FAM114A1: variants seen among roughly 807,000 people sequenced by gnomAD.
The protein encoded by FAM114A1 is family with sequence similarity 114 member A1, also known as protein NOXP20.
A neutral mutation model predicts 64.3 loss-of-function variants in FAM114A1; 62 were observed. The observed-to-expected ratio is 0.96, with a 90% CI of 0.79 to 1.19. FAM114A1 has a LOEUF of 1.19. Among genes scored for constraint, FAM114A1 ranks in the 50% most tolerant of loss-of-function variants. The pLI, the probability that FAM114A1 is intolerant of heterozygous loss-of-function variation, is 0.00. For missense variants in FAM114A1, 645 were observed against 676.3 expected (o/e 0.95, Z 0.51); for synonymous variants, 254 against 251.1 (o/e 1.01, Z -0.11).
At chr4:38,942,629 AC>A (rs1451956209) in intron 14 of FAM114A1, among the ~76,000 whole-genome samples, 1 of 152,228 alleles carries the variant, frequency 6.6e-6, no homozygotes, top group African/African-American at 2.4e-5. Flanking sequence ...GTGTTAGTGC[AC>A]CACAAAACAG....
chr4:38,904,196 C>T (rs773035098), intron 4 of FAM114A1, among the ~76,000 whole-genome samples: 4 of 152,100 alleles, frequency 2.6e-5, no homozygotes, highest in African/African-American at 2.4e-5. Context: ...CGTGAGTGCT[C>T]GGGGGATGGG....
At chr4:38,920,621 A>G (rs1193891659) in intron 8 of FAM114A1, among the ~76,000 whole-genome samples, 1 of 152,258 alleles carries the variant, frequency 6.6e-6, no homozygotes, top group Non-Finnish European at 1.5e-5. Context: ...GCCATCCGCC[A>G]GAAGACATAG....
intron 3 of FAM114A1, among the ~76,000 whole-genome samples, chr4:38,887,495 A>C (rs1715937033): frequency 6.6e-6 from 1 of 152,230 alleles, no homozygotes; most frequent in African/African-American, 2.4e-5. Flanking sequence ...AGCTACTAAA[A>C]TAAATTTACA....
At chr4:38,914,814 C>T in intron 7 of FAM114A1, 107 bp from the exon 8 acceptor site, 1 of 1,242,686 alleles carries the variant, frequency 8.0e-7, no homozygotes, top group Admixed American at 2.7e-5. Context: ...ACCAGAATCT[C>T]CCCCTCTCCA....
At chr4:38,902,099 G>C (rs1465113552) in intron 4 of FAM114A1, among the ~76,000 whole-genome samples, 3 of 152,208 alleles carry the variant, frequency 2.0e-5, no homozygotes, top group Non-Finnish European at 4.4e-5. Context: ...GATTACACAT[G>C]TGGGTTCTAG....
At chr4:38,880,690 G>T (rs1579299567) in intron 3 of FAM114A1, among the ~76,000 whole-genome samples, 1 of 152,194 alleles carries the variant, frequency 6.6e-6, no homozygotes. Flanking sequence ...CATGTAGGGA[G>T]CTATGGTTCC....
intron 12 of FAM114A1, among the ~76,000 whole-genome samples, chr4:38,933,352 A>G (rs1241698539): frequency 6.6e-6 from 1 of 152,220 alleles, no homozygotes; most frequent in Non-Finnish European, 1.5e-5. Flanking sequence ...ATACATGAAT[A>G]GAGAAAGGAC....
chr4:38,898,955 ATTATATATGTAATATATATG>A (rs1479773314), intron 4 of FAM114A1, among the ~76,000 whole-genome samples: 3 of 143,664 alleles, frequency 2.1e-5, no homozygotes, highest in Admixed American at 1.4e-4. Context: ...TATGTTATAT[ATTATATATGTAATATATATG>A]TTATATATGT....
At chr4:38,919,703 G>T (rs1490631245) in intron 8 of FAM114A1, among the ~76,000 whole-genome samples, 1 of 152,060 alleles carries the variant, frequency 6.6e-6, no homozygotes, top group African/African-American at 2.4e-5. Flanking sequence ...GTGTAGAGAG[G>T]ACACTCCCAT....
At chr4:38,896,270 C>T (rs112491397) in intron 4 of FAM114A1, among the ~76,000 whole-genome samples, 1 of 152,128 alleles carries the variant, frequency 6.6e-6, no homozygotes, top group Admixed American at 6.6e-5. Context: ...CCTCCTCCCC[C>T]CAAAATGAAT....
intron 11 of FAM114A1, among the ~76,000 whole-genome samples, chr4:38,932,031 C>A (rs994059827): frequency 6.6e-6 from 1 of 152,234 alleles, no homozygotes; most frequent in Non-Finnish European, 1.5e-5. Context: ...TGTGAACAGA[C>A]CTGCCACATC....
At chr4:38,933,364 C>T (rs1720821007) in intron 12 of FAM114A1, among the ~76,000 whole-genome samples, 1 of 152,150 alleles carries the variant, frequency 6.6e-6, no homozygotes, top group African/African-American at 2.4e-5. Context: ...AGAAAGGACA[C>T]TTTAATGTAA....
Position 38,932,271 on chromosome 4 carries a change from G to A in FAM114A1, c.1360G>A (p.Val454Ile). The change falls in exon 12 of 15, where the codon GTA becomes ATA. Residue 454 changes from valine (V) to isoleucine (I), a missense_variant. By Grantham distance (29) the Val-to-Ile change is conservative. Coordinates refer to ENST00000358869, the MANE Select transcript of FAM114A1 (RefSeq NM_138389.4). Reference protein sequence around the residue: ...YMSSIESLAEVTARCIEQLHK... With the variant: ...YMSSIESLAEITARCIEQLHK... Reference sequence around the variant, plus strand: ...GTCGTCCATTGAAAGTCTGGCGGAGGTAACAGCGCGCTGTATTGAGCAGCT... The same window carrying A: ...GTCGTCCATTGAAAGTCTGGCGGAGATAACAGCGCGCTGTATTGAGCAGCT... 1 of 1,609,796 alleles carries A rather than the reference G, an allele frequency of 6.2e-7. No homozygotes were observed. Among genetic ancestry groups the A allele is most frequent in the South Asian group, 1.1e-5 (1 of 89,858 alleles).
intron 7 of FAM114A1, among the ~76,000 whole-genome samples, chr4:38,912,290 C>G (rs899718862): frequency 3.9e-5 from 6 of 152,172 alleles, no homozygotes; most frequent in Admixed American, 1.3e-4. Context: ...TTGAAACCCA[C>G]TTCCCTTTCT....
At chr4:38,911,861 C>CTTTTTTTTTTTTTTTTTTTTTCTTTTTTT (rs375816760) in intron 7 of FAM114A1, among the ~76,000 whole-genome samples, 1 of 54,040 alleles carries the variant, frequency 1.9e-5, no homozygotes, top group Non-Finnish European at 4.2e-5. Flanking sequence ...TTTCTTTTTT[C>CTTTTTTTTTTTTTTTTTTTTTCTTTTTTT]TTTTTTTTTT....
rs547404582 is a variant in FAM114A1, at chr4:38,910,705, G to A, written c.792+1979G>A. Among the ~76,000 whole-genome samples, 94 of 152,310 alleles carry A rather than the reference G, an allele frequency of 6.2e-4. 1 individual carries two copies. Among genetic ancestry groups the A allele is most frequent in the African/African-American group, 2.1e-3 (88 of 41,556 alleles). On this transcript the variant is annotated intron_variant, in intron 7 of 14. Transcript: ENST00000358869. ...TGAAGGAGATGAGAGCATTGGCCAT[G>A]CAGGAACCTGAGTAAAGCTCATTCC...
Position 38,929,214 on chromosome 4 carries a change from C to T in FAM114A1, c.1070-28C>T, listed in dbSNP as rs372319298. On this transcript the variant is annotated intron_variant, in intron 9 of 14. Coordinates refer to ENST00000358869, the MANE Select transcript of FAM114A1 (RefSeq NM_138389.4). ...ATCCTGAAGGATGAAAAATAAATCA[C>T]GCTTCTTCTGTCGTGTTCTATTTCT... 4.2e-5 allele frequency: 65 copies of T among 1,543,180 alleles called. No individual in the cohort carries two copies. The African/African-American group carries it at 5.0e-4, about 12-fold the overall frequency.
At chr4:38,915,409 A>T (rs748166187) in intron 8 of FAM114A1, among the ~76,000 whole-genome samples, 28 of 152,200 alleles carry the variant, frequency 1.8e-4, no homozygotes, top group Non-Finnish European at 1.6e-4. Context: ...CCCAGGTCAG[A>T]GATGCCCTGC....
intron 13 of FAM114A1, among the ~76,000 whole-genome samples, 172 bp downstream of exon 13, chr4:38,935,962 T>A (rs1721048821): frequency 6.6e-6 from 1 of 152,226 alleles, no homozygotes; most frequent in South Asian, 2.1e-4. Flanking sequence ...CTTAGGACTC[T>A]CCTGACTGGG....
Sources: gnomAD v4.1 joint callset for allele counts (sites outside exome capture counted in the v4.1 genomes callset) on GRCh38, gnomAD v4.1.1 for gene constraint, MANE v1.5 for transcripts, NCBI Gene and HGNC (gene_info 2026-07-23, HGNC 2026-07-21) for gene names.